The following DIP2C variants were observed in gnomAD, a reference collection of about 807,000 sequenced individuals.
The protein encoded by DIP2C is DIP2 acetate--CoA ligase C (putative), also known as disco-interacting protein 2 homolog C.
In DIP2C, 33 loss-of-function variants were observed where a neutral mutation model predicts 192.4. The observed-to-expected ratio is 0.17, with a 90% CI of 0.13 to 0.23. DIP2C has a LOEUF of 0.23. DIP2C is among the 10% of genes least tolerant of loss of function. The pLI is 1.00. For missense variants in DIP2C, 1,537 were observed against 2,110.1 expected (o/e 0.73, Z 5.32); for synonymous variants, 979 against 864.1 (o/e 1.13, Z -2.33).
rs1386847609 is a variant in DIP2C at position 422,846 on chromosome 10, G to A, written c.582C>T (p.Asp194=). 16 of 1,612,144 alleles carry A rather than the reference G, an allele frequency of 9.9e-6. No individual in the cohort carries two copies. Among genetic ancestry groups the A allele is most frequent in the Admixed American group, 1.7e-5 (1 of 60,010 alleles). ...CACCTATGTGGGTCTGAGCCATGAC[G>A]TCCGCCAGCCTGTGGGCAGCCCCGC... ...GGSGAAHRLA[D]VMAQTHIENH... The change falls in exon 5 of 37, where the codon GAC becomes GAT. Residue 194 remains aspartate (D), a synonymous_variant. Transcript: ENST00000280886.
chr10:580,496 G>C (rs997009413), intron 1 of DIP2C, among the ~76,000 whole-genome samples: 8 of 152,100 alleles, frequency 5.3e-5, no homozygotes, highest in African/African-American at 1.9e-4. Flanking sequence ...AAATAGTGTG[G>C]ATATAATAGT....
intron 1 of DIP2C, among the ~76,000 whole-genome samples, chr10:619,581 A>T (rs1303893116): frequency 1.5e-5 from 2 of 129,674 alleles, no homozygotes; most frequent in African/African-American, 6.0e-5. Context: ...GTGCGAGCTA[A>T]TATAGATTCC....
At chr10:307,526 G>A (rs927831607) in intron 32 of DIP2C, among the ~76,000 whole-genome samples, 19 of 152,300 alleles carry the variant, frequency 1.2e-4, no homozygotes, top group Admixed American at 3.9e-4. Flanking sequence ...TGGGGGCTGC[G>A]GACTGTGAGT....
rs144199668 is a variant in DIP2C, at chr10:277,559, T to G, written c.4437A>C (p.Thr1479=). The G allele has an allele frequency of 3.2e-3, 5,177 of 1,614,046 alleles. 19 individuals carry two copies. The highest frequency in any genetic ancestry group is 0.014 in the Middle Eastern group (82 of 6,062). ...GCTCAACCACAACCACCAACAAATT[T>G]GTCCAGGTAAACACAGCACTAAAAG... ...SVTECAVFTW[T]NLLVVVVELD... Residue 1479 remains threonine, a synonymous_variant, in exon 37 of 37, where the codon ACA becomes ACC. Coordinates refer to ENST00000280886, the MANE Select transcript of DIP2C (RefSeq NM_014974.3).
At chr10:545,637 T>TA (rs1309094142) in intron 1 of DIP2C, among the ~76,000 whole-genome samples, 4 of 152,142 alleles carry the variant, frequency 2.6e-5, no homozygotes, top group African/African-American at 9.7e-5. Flanking sequence ...ACAAAGGAAA[T>TA]AAGATGCTGT....
In DIP2C at chr10:366,288, T is replaced by C. The variant is rs200718540; in HGVS notation, c.2255A>G (p.Lys752Arg). Reference protein sequence around the residue: ...TSYYGLSGMTKNTFEVFPMTS... With the variant: ...TSYYGLSGMTRNTFEVFPMTS... ...TCCTCCACCTACCTCAAAGGTGTTC[T>C]TGGTCATGCCAGAGAGGCCATAGTA... is the stretch of plus-strand genomic sequence containing the variant. The change falls in exon 19 of 37, where the codon AAG (lysine) becomes AGG (arginine). Residue 752 changes from lysine to arginine, a missense_variant. By Grantham distance (26) the Lys-to-Arg change is conservative (BLOSUM62 2). Around this residue, in one of 4 missense-constraint regions of DIP2C, gnomAD observed 677 missense variants for 989.9 expected, o/e 0.68. Coordinates refer to ENST00000280886, the MANE Select transcript of DIP2C (RefSeq NM_014974.3). 6.2e-7 allele frequency: 1 copy of C among 1,613,528 alleles called. No individual in the cohort carries two copies. Among genetic ancestry groups the C allele is most frequent in the Admixed American group, 1.7e-5 (1 of 59,966 alleles).
chr10:610,562 A>G lies in DIP2C; in HGVS notation c.85+78932T>C, dbSNP rs897467674. Among the ~76,000 whole-genome samples the G allele has an allele frequency of 3.3e-5, 5 of 152,384 alleles. No homozygotes were observed. The East Asian group carries it at 9.6e-4, about 29-fold the overall frequency. On this transcript the variant is annotated intron_variant, in intron 1 of 36. Coordinates refer to ENST00000280886, the MANE Select transcript of DIP2C (RefSeq NM_014974.3). The stretch of plus-strand genomic sequence containing the variant: ...TCACATGCACCCTGAAAATATGTAC[A>G]TATATTATGTATCAACAAAAACAAA...
At chr10:288,515 C>A (rs557595171) in intron 32 of DIP2C, 94 bp from the exon 33 acceptor site, 1 of 1,331,686 alleles carries the variant, frequency 7.5e-7, no homozygotes, top group South Asian at 1.2e-5. Context: ...GGCAGCTGTC[C>A]GGGAAAGCTG....
intron 3 of DIP2C, among the ~76,000 whole-genome samples, chr10:448,391 C>T (rs1330957565): frequency 4.1e-5 from 6 of 146,192 alleles, no homozygotes; most frequent in Non-Finnish European, 8.9e-5. Context: ...GGATCACACG[C>T]AGTGGGGCAG....
At chr10:334,304 C>CAAAAAAAAA (rs35031456) in intron 29 of DIP2C, among the ~76,000 whole-genome samples, 8 of 82,396 alleles carry the variant, frequency 9.7e-5, no homozygotes, top group African/African-American at 2.6e-4. Flanking sequence ...AAGACTGTCT[C>CAAAAAAAAA]AAAAAAAAAA....
intron 17 of DIP2C, among the ~76,000 whole-genome samples, chr10:379,654 T>C (rs1962145904): frequency 6.6e-6 from 1 of 152,242 alleles, no homozygotes; most frequent in Admixed American, 6.5e-5. Context: ...GTGATACATA[T>C]TCCAGAGAGG....
intron 6 of DIP2C, among the ~76,000 whole-genome samples, chr10:418,483 G>T (rs1256565723): frequency 6.6e-6 from 1 of 152,210 alleles, no homozygotes; most frequent in Non-Finnish European, 1.5e-5. Flanking sequence ...GAAGGACTGA[G>T]ACCTAAATGG....
chr10:422,479 T>C (rs930350711), intron 5 of DIP2C, among the ~76,000 whole-genome samples: 24 of 152,290 alleles, frequency 1.6e-4, no homozygotes, highest in Middle Eastern at 3.4e-3. Context: ...CCTCGTTTCC[T>C]TAAATGACTC....
intron 1 of DIP2C, among the ~76,000 whole-genome samples, chr10:500,471 A>G (rs1433458448): frequency 6.6e-6 from 1 of 152,272 alleles, no homozygotes; most frequent in African/African-American, 2.4e-5. Flanking sequence ...GTACGTGCCT[A>G]GGTTTTACAC....
intron 25 of DIP2C, 99 bp from the exon 26 acceptor site, chr10:348,861 G>A: frequency 6.5e-7 from 1 of 1,531,700 alleles, no homozygotes; most frequent in Admixed American, 2.2e-5. Context: ...AGTTCAACAG[G>A]GAAACGAGCA....
At chr10:423,130 TCAATA>T in intron 4 of DIP2C, 97 bp from the exon 5 acceptor site, 1 of 1,180,660 alleles carries the variant, frequency 8.5e-7, no homozygotes, top group Non-Finnish European at 1.2e-6. Flanking sequence ...CACGTAAGTC[TCAATA>T]GTTGTTCAAT....
At position 689,410 on chromosome 10, in the gene DIP2C, G is replaced by C; in HGVS notation, c.85+84C>G. ...CCCCTCCGGGCCCGGCCCCCGCCCCGCCGCAGGCCCCGCGCCCCCAGCCCT... is the reference window on the plus strand; with the variant it reads ...CCCCTCCGGGCCCGGCCCCCGCCCCCCCGCAGGCCCCGCGCCCCCAGCCCT... On this transcript the variant is annotated intron_variant, in intron 1 of 36. Transcript: ENST00000280886. This position sits in a 1 kb window ranked among gnomAD's most constrained non-coding sequence, Gnocchi z 6.1. 4 of 820,266 alleles carry C rather than the reference G, an allele frequency of 4.9e-6. No individual in the cohort carries two copies. Among genetic ancestry groups the C allele is most frequent in the Non-Finnish European group, 4.4e-6 (3 of 677,964 alleles). The allele number at this position is 820,266 out of a possible 1,614,324, so 50.8% of individuals were successfully genotyped here.
intron 1 of DIP2C, among the ~76,000 whole-genome samples, chr10:597,855 CCTGG>C (rs1304083821): frequency 1.3e-5 from 2 of 152,162 alleles, no homozygotes; most frequent in Non-Finnish European, 2.9e-5. Flanking sequence ...TGAGTCCTTT[CCTGG>C]CTATTTATGG....
intron 1 of DIP2C, among the ~76,000 whole-genome samples, chr10:565,948 T>G (rs1849444001): frequency 6.6e-6 from 1 of 152,120 alleles, no homozygotes; most frequent in Admixed American, 6.6e-5. Flanking sequence ...CAGATCCACG[T>G]CACCCACTCT....
Sources: allele counts gnomAD v4.1 joint callset (sites outside exome capture counted in the v4.1 genomes callset), GRCh38; gene constraint gnomAD v4.1.1; regional missense constraint gnomAD v4.1.1; non-coding constraint Gnocchi (gnomAD v3.1); transcripts MANE v1.5; gene names NCBI Gene and HGNC (gene_info 2026-07-23, HGNC 2026-07-21).